Variants in PLEKHA1 observed in about 807,000 individuals in gnomAD.
The protein encoded by PLEKHA1 is pleckstrin homology domain-containing family A member 1.
A neutral mutation model predicts 52.0 loss-of-function variants in PLEKHA1; 34 were observed. That is an observed-to-expected ratio of 0.65 (90% CI 0.50 to 0.87). The LOEUF (loss-of-function observed/expected upper bound fraction) is 0.87, where lower values mean the gene tolerates loss of function less well. Ranked by LOEUF, PLEKHA1 falls within the 40% of genes least tolerant of loss-of-function variation. The pLI, the probability that PLEKHA1 is intolerant of heterozygous loss-of-function variation, is 0.00. For synonymous variants in PLEKHA1, 163 were observed against 170.7 expected (o/e 0.95, Z 0.35); for missense variants, 497 against 504.2 (o/e 0.99, Z 0.14).
chr10:122,438,326 G>A, the PLEKHA1 span: 1 of 152,236 alleles, frequency 6.6e-6, no homozygotes, highest in Admixed American at 6.5e-5. Flanking sequence ...AGTAGGAAAA[G>A]AAAGATTGAT....
Position 122,393,413 on chromosome 10 carries a change from G to C in PLEKHA1, c.141+72G>C. 1 of 1,298,666 alleles carries C rather than the reference G, an allele frequency of 7.7e-7. No homozygotes were observed. The highest frequency in any genetic ancestry group is 9.8e-7 in the Non-Finnish European group (1 of 1,021,580). The allele number at this position is 1,298,666 out of a possible 1,614,324, so 80.4% of individuals were successfully genotyped here. ...ATTTAAGTATTTAACATACTATACA[G>C]GCTTTAGATTTGTCTTCTTAAGCAG... is the stretch of plus-strand genomic sequence containing the variant. On this transcript the variant is annotated intron_variant, in intron 2 of 11. Transcript: ENST00000368990. The surrounding 1 kb of genome is among the most constrained non-coding windows in gnomAD (Gnocchi z 4.5).
In PLEKHA1 at chr10:122,393,342, GT is replaced by G. The variant is rs1343382299; in HGVS notation, c.141+4del. 6.3e-7 allele frequency: 1 copy of G among 1,594,394 alleles called. No homozygotes were observed. On this transcript the variant is annotated splice_donor_variant, in intron 2 of 11. Transcript: ENST00000368990. LOFTEE classifies it high-confidence loss of function. The surrounding 1 kb of genome is among the most constrained non-coding windows in gnomAD (Gnocchi z 4.5). ...CGTGTGGTACATGGATAATCCACAGGTTTGTAAAATCCCAAGGATTATCTTT... is the reference window on the plus strand; with the variant it reads ...CGTGTGGTACATGGATAATCCACAGGTTGTAAAATCCCAAGGATTATCTTT...
chr10:122,440,182 A>G, the PLEKHA1 span: 1 of 152,250 alleles, frequency 6.6e-6, no homozygotes, highest in Admixed American at 6.5e-5. Context: ...AATTAAATTT[A>G]GGAGTCTTTA....
intron 5 of PLEKHA1, among the ~76,000 whole-genome samples, chr10:122,409,729 C>T (rs958620933): frequency 3.3e-5 from 5 of 151,572 alleles, no homozygotes; most frequent in South Asian, 2.1e-4. Flanking sequence ...TGTGTCTGCA[C>T]GTTTTTATCC....
intron 2 of PLEKHA1, among the ~76,000 whole-genome samples, chr10:122,394,763 C>G (rs1235641074): frequency 6.6e-6 from 1 of 152,160 alleles, no homozygotes; most frequent in Non-Finnish European, 1.5e-5. Context: ...TGCCTATTTT[C>G]TCTCCCTGAT....
At chr10:122,424,050 G>GTTA in intron 8 of PLEKHA1, 149 bp from the exon 9 acceptor site, 1 of 1,027,020 alleles carries the variant, frequency 9.7e-7, no homozygotes, top group Non-Finnish European at 1.4e-6. Flanking sequence ...GATGCTGGAT[G>GTTA]GTTTAAGAAG....
chr10:122,383,556 ATCC>A (rs200418762), intron 1 of PLEKHA1, among the ~76,000 whole-genome samples: 1,826 of 150,690 alleles, frequency 0.012, 20 homozygotes, highest in Non-Finnish European at 0.016. Context: ...AGCTCACACA[ATCC>A]TCCTGCCTCA....
intron 7 of PLEKHA1, chr10:122,417,120 CT>C (rs998529548): frequency 6.6e-6 from 1 of 152,560 alleles, no homozygotes; most frequent in Admixed American, 6.5e-5. Flanking sequence ...TCTGCAAAAA[CT>C]GTTATTTTAT....
intron 5 of PLEKHA1, among the ~76,000 whole-genome samples, chr10:122,408,977 T>C (rs563379455): frequency 1.7e-4 from 26 of 152,292 alleles, no homozygotes; most frequent in African/African-American, 5.5e-4. Context: ...AATCCAAAAT[T>C]AGAGTTTGGA....
downstream of PLEKHA1, chr10:122,435,550 T>A (rs2097434786): frequency 6.6e-6 from 1 of 152,224 alleles, no homozygotes; most frequent in Non-Finnish European, 1.5e-5. Context: ...AATATAAAAT[T>A]CAAACTAACA....
intron 11 of PLEKHA1, 41 bp from the exon 12 acceptor site, chr10:122,429,583 A>C (rs755979042): frequency 6.3e-7 from 1 of 1,585,420 alleles, no homozygotes; most frequent in Non-Finnish European, 8.6e-7. Context: ...TAACCTGGTC[A>C]TGAGTGACTG....
intron 4 of PLEKHA1, among the ~76,000 whole-genome samples, chr10:122,405,700 C>A (rs10887148): frequency 0.15 from 22,160 of 151,762 alleles, 1,756 homozygotes; most frequent in Middle Eastern, 0.21. Context: ...ACGCATGAAG[C>A]AACTACTACT....
chr10:122,396,017 AT>A (rs1055819512), intron 2 of PLEKHA1, among the ~76,000 whole-genome samples: 3 of 151,942 alleles, frequency 2.0e-5, no homozygotes, highest in Non-Finnish European at 4.4e-5. Flanking sequence ...TTTGAATCTC[AT>A]TTTTTTCCAG....
At chr10:122,389,885 A>G (rs1019496060) in intron 1 of PLEKHA1, among the ~76,000 whole-genome samples, 4 of 134,868 alleles carry the variant, frequency 3.0e-5, no homozygotes, top group Non-Finnish European at 3.5e-5. Flanking sequence ...CAGCTACATT[A>G]GCCCCTAACA....
intron 2 of PLEKHA1, among the ~76,000 whole-genome samples, chr10:122,394,622 A>T (rs1388778180): frequency 2.0e-5 from 3 of 152,180 alleles, no homozygotes; most frequent in Non-Finnish European, 1.5e-5. Context: ...AGTATTCTTC[A>T]CTATATACTG....
rs2097420049 is a variant in PLEKHA1, at chr10:122,431,952, T to G, written c.*2014T>G. 6.6e-6 allele frequency: 1 copy of G among 152,204 alleles called. No homozygotes were observed. Among genetic ancestry groups the G allele is most frequent in the African/African-American group, 2.4e-5 (1 of 41,444 alleles). The allele number at this position is 152,204 out of a possible 1,614,324, so 9.4% of individuals were successfully genotyped here. A position where few individuals can be genotyped will look rare whatever the true frequency, so the allele number is the denominator to read the frequency against. ...TACAGCTTCCACATTGCATGTTCAC[T>G]TTAGTATTTGCAATTTGATATATTT... On this transcript the variant is annotated 3_prime_UTR_variant, in exon 12 of 12. Transcript: ENST00000368990.
At chr10:122,414,790 G>A (rs953102471) in intron 6 of PLEKHA1, among the ~76,000 whole-genome samples, 7 of 152,026 alleles carry the variant, frequency 4.6e-5, no homozygotes, top group African/African-American at 1.7e-4. Context: ...TAAAAGTGAC[G>A]ACACAAATGC....
chr10:122,395,990 A>G (rs2096844209), intron 2 of PLEKHA1, among the ~76,000 whole-genome samples: 2 of 152,074 alleles, frequency 1.3e-5, no homozygotes, highest in Admixed American at 1.3e-4. Context: ...TTTCTTGTTC[A>G]TTGTCAAGTA....
chr10:122,409,978 C>T (rs778551278), intron 5 of PLEKHA1, among the ~76,000 whole-genome samples: 49 of 151,926 alleles, frequency 3.2e-4, no homozygotes, highest in African/African-American at 8.9e-4. Context: ...GACTGGGTTT[C>T]GCCATGTTGT....
Sources: allele counts gnomAD v4.1 joint callset (sites outside exome capture counted in the v4.1 genomes callset), GRCh38; gene constraint gnomAD v4.1.1; non-coding constraint Gnocchi (gnomAD v3.1); transcripts MANE v1.5; gene names NCBI Gene and HGNC (gene_info 2026-07-23, HGNC 2026-07-21).